Variants in LRRC7 observed in about 807,000 individuals in gnomAD.
LRRC7 encodes leucine-rich repeat-containing protein 7.
Under a neutral mutation model 175.7 loss-of-function variants are expected in LRRC7, and 23 were observed. That is an observed-to-expected ratio of 0.13 (90% CI 0.09 to 0.19). LRRC7 has a LOEUF of 0.19. Among genes scored for constraint, LRRC7 ranks in the 10% least tolerant of loss-of-function variants. LRRC7 has a pLI of 1.00. For synonymous variants in LRRC7, 685 were observed against 680.9 expected, an observed-to-expected ratio of 1.01 and a Z score of -0.09; for missense variants, 1,354 against 1,904.7, an observed-to-expected ratio of 0.71 and a Z score of 5.38.
chr1:69,641,308 C>A (rs1346460900), intron 1 of LRRC7, among the ~76,000 whole-genome samples: 4 of 151,470 alleles, frequency 2.6e-5, no homozygotes, highest in Non-Finnish European at 4.4e-5. Context: ...CTATCTCAGA[C>A]CTTTTACATG....
chr1:70,019,346 T>C (rs2101969846), intron 15 of LRRC7, among the ~76,000 whole-genome samples: 1 of 152,142 alleles, frequency 6.6e-6, no homozygotes, highest in Non-Finnish European at 1.5e-5. Context: ...TATCCCTAAA[T>C]CCTTTTTCAA....
chr1:69,966,237 T>C (rs1037864582), intron 8 of LRRC7, among the ~76,000 whole-genome samples: 2 of 152,176 alleles, frequency 1.3e-5, no homozygotes, highest in Admixed American at 1.3e-4. Flanking sequence ...CACCTTCACC[T>C]TCATTAATTC....
At chr1:69,572,830 T>G (rs1645791930) in intron 1 of LRRC7, among the ~76,000 whole-genome samples, 1 of 152,056 alleles carries the variant, frequency 6.6e-6, no homozygotes, top group Admixed American at 6.6e-5. Context: ...GTATAAACTT[T>G]TTTGTATAGA....
intron 9 of LRRC7, among the ~76,000 whole-genome samples, chr1:69,982,143 A>G (rs138556790): frequency 1.1e-4 from 17 of 152,362 alleles, no homozygotes; most frequent in African/African-American, 3.8e-4. Context: ...TTTCTCAATA[A>G]GTTTGTTATT....
In LRRC7 at chr1:69,838,260, A is replaced by G; in HGVS notation, c.624A>G (p.Glu208=). ...AATTGCGGATCTTGGAGTTAAGAGA[A>G]AATCACTTGAAAACTCTACCAAAGT... The part of the protein sequence containing the change: ...LVKLRILELR[E]NHLKTLPKSM... The change falls in exon 7 of 27, where the codon GAA becomes GAG. Residue 208 remains glutamate (E), a synonymous_variant. Coordinates refer to ENST00000651989, the MANE Select transcript of LRRC7 (RefSeq NM_001370785.2). 6.2e-7 allele frequency: 1 copy of G among 1,609,192 alleles called. No homozygotes were observed. Among genetic ancestry groups the G allele is most frequent in the Non-Finnish European group, 8.5e-7 (1 of 1,176,614 alleles).
rs551038895 is a variant in LRRC7, at chr1:69,963,565, A to T, written c.712-16814A>T. Among the ~76,000 whole-genome samples, 69 of 152,316 alleles carry T rather than the reference A, an allele frequency of 4.5e-4. 1 individual carries two copies. The highest frequency in any genetic ancestry group is 3.9e-3 in the South Asian group (19 of 4,830). The stretch of plus-strand genomic sequence containing the variant: ...CTTCAAGCAGGAGTAATTATACTGA[A>T]ATGGCCCACAGGCTACAGTGTAGAT... On this transcript the variant is annotated intron_variant, in intron 8 of 26. Coordinates refer to ENST00000651989, the MANE Select transcript of LRRC7 (RefSeq NM_001370785.2).
At chr1:69,968,301 G>A (rs1450251491) in intron 8 of LRRC7, among the ~76,000 whole-genome samples, 1 of 152,052 alleles carries the variant, frequency 6.6e-6, no homozygotes, top group Non-Finnish European at 1.5e-5. Context: ...AAGAAGTCTG[G>A]GATTATGTTA....
At chr1:69,718,152 G>GAAAGAAAGAAAGAA (rs1665917087) in intron 2 of LRRC7, among the ~76,000 whole-genome samples, 3 of 146,200 alleles carry the variant, frequency 2.1e-5, no homozygotes, top group Non-Finnish European at 3.0e-5. Context: ...GAGAAAGAAA[G>GAAAGAAAGAAAGAA]AAAGAAAGAA....
Position 70,141,830 on chromosome 1 carries a change from CAT to C in LRRC7, c.*19945_*19946del, listed in dbSNP as rs1172351534. 3 of 152,068 alleles carry C rather than the reference CAT, an allele frequency of 2.0e-5. No individual in the cohort carries two copies. 9.4% of individuals were successfully genotyped at this position (152,068 alleles called of 1,614,324 possible). ...GGTTTTGTGTCTATGTATAGGCACA[CAT>C]AAATAGGAGGTGTTTTTCTTTGCAC... On this transcript the variant is annotated 3_prime_UTR_variant, in exon 27 of 27. Coordinates refer to ENST00000651989, the MANE Select transcript of LRRC7 (RefSeq NM_001370785.2).
At chr1:70,027,561 A>G (rs1658251777) in intron 17 of LRRC7, among the ~76,000 whole-genome samples, 1 of 152,186 alleles carries the variant, frequency 6.6e-6, no homozygotes, top group Admixed American at 6.6e-5. Flanking sequence ...TTCTTAGGGT[A>G]AAAAGTAAAT....
chr1:69,877,997 G>C (rs901206047), intron 7 of LRRC7, among the ~76,000 whole-genome samples: 2 of 152,244 alleles, frequency 1.3e-5, no homozygotes, highest in South Asian at 2.1e-4. Flanking sequence ...GACCAAGATA[G>C]GACAGGATGG....
intron 23 of LRRC7, among the ~76,000 whole-genome samples, chr1:70,075,358 T>C (rs1019052861): frequency 4.6e-5 from 7 of 152,130 alleles, no homozygotes; most frequent in Non-Finnish European, 8.8e-5. Flanking sequence ...GATCGTATCA[T>C]TTAAAGATGA....
intron 7 of LRRC7, among the ~76,000 whole-genome samples, chr1:69,882,785 T>C (rs7519791): frequency 0.56 from 70,063 of 125,036 alleles, 19,288 homozygotes; most frequent in East Asian, 0.7. Context: ...CACCACAGTA[T>C]CCAGAGTGTG....
chr1:70,019,717 A>G (rs186838445), intron 15 of LRRC7, among the ~76,000 whole-genome samples: 231 of 152,106 alleles, frequency 1.5e-3, no homozygotes, highest in African/African-American at 5.3e-3. Context: ...TTTTGTCTAC[A>G]GAAGTAGGAA....
intron 10 of LRRC7, among the ~76,000 whole-genome samples, chr1:69,986,930 C>A (rs1653985555): frequency 6.6e-6 from 1 of 152,122 alleles, no homozygotes; most frequent in South Asian, 2.1e-4. Context: ...ATAAAAAGCA[C>A]TCATACATTT....
At chr1:69,571,262 G>A (rs1325327070) in intron 1 of LRRC7, among the ~76,000 whole-genome samples, 1 of 152,168 alleles carries the variant, frequency 6.6e-6, no homozygotes, top group Non-Finnish European at 1.5e-5. Context: ...AAGAAACCTG[G>A]TCCAGTTGCA....
At position 70,044,006 on chromosome 1, in the gene LRRC7, G is replaced by A; in HGVS notation, c.4022G>A (p.Gly1341Asp). 1 of 1,613,398 alleles carries A rather than the reference G, an allele frequency of 6.2e-7. No homozygotes were observed. Among genetic ancestry groups the A allele is most frequent in the Non-Finnish European group, 8.5e-7 (1 of 1,179,574 alleles). The change falls in exon 22 of 27, where the codon GGT becomes GAT. Residue 1341 changes from glycine to aspartate, a missense_variant. Around this residue, in one of 4 missense-constraint regions of LRRC7, gnomAD observed 1,032 missense variants for 1,227.2 expected, o/e 0.84. Transcript: ENST00000651989. ...TVNLGMLPYGGISAMHAGRSM... is the reference protein window; with the variant it reads ...TVNLGMLPYGDISAMHAGRSM... ...AACCTTGGCATGCTGCCCTATGGAG[G>A]TATTTCAGCAATGCATGCAGGCAGA...
Position 70,143,459 on chromosome 1 carries a change from TAG to T in LRRC7, c.*21574_*21575del, listed in dbSNP as rs1318405403. On this transcript the variant is annotated 3_prime_UTR_variant, in exon 27 of 27. Transcript: ENST00000651989. ...CAATAGTAAACATTGACATTTTACA[TAG>T]ACATATTGTATATTAATGCATGCAT... The T allele has an allele frequency of 1.3e-5, 2 of 152,182 alleles. No homozygotes were observed. Among genetic ancestry groups the T allele is most frequent in the Admixed American group, 6.5e-5 (1 of 15,272 alleles). 9.4% of individuals were successfully genotyped at this position (152,182 alleles called of 1,614,324 possible).
chr1:69,746,431 CTG>C (rs2100876935), intron 2 of LRRC7, among the ~76,000 whole-genome samples: 1 of 152,080 alleles, frequency 6.6e-6, no homozygotes, highest in African/African-American at 2.4e-5. Context: ...TTTGTTCTCT[CTG>C]TGGAATCACA....
Sources: allele counts gnomAD v4.1 joint callset (sites outside exome capture counted in the v4.1 genomes callset), GRCh38; gene constraint gnomAD v4.1.1; regional missense constraint gnomAD v4.1.1; transcripts MANE v1.5; gene names NCBI Gene and HGNC (gene_info 2026-07-23, HGNC 2026-07-21).